CADM2: variants seen among roughly 807,000 people sequenced by gnomAD.
CADM2 encodes the protein cell adhesion molecule 2, also known as immunoglobulin superfamily member 4D.
Under a neutral mutation model 49.8 loss-of-function variants are expected in CADM2, and 12 were observed. The observed-to-expected ratio is 0.24, with a 90% CI of 0.15 to 0.39. The LOEUF (loss-of-function observed/expected upper bound fraction) is 0.39, where lower values mean the gene tolerates loss of function less well. Ranked by LOEUF, CADM2 falls within the 10% of genes least tolerant of loss-of-function variation. The pLI is 1.00. For missense variants in CADM2, 378 were observed against 492.3 expected (o/e 0.77, Z 2.20); for synonymous variants, 214 against 175.4 (o/e 1.22, Z -1.74).
At chr3:85,515,246 G>C (rs972380325) in intron 1 of CADM2, among the ~76,000 whole-genome samples, 2 of 152,058 alleles carry the variant, frequency 1.3e-5, no homozygotes, top group Non-Finnish European at 2.9e-5. Flanking sequence ...ATTTGAGAAA[G>C]AGAATAAGAT....
chr3:85,675,011 T>C (rs1337156831), intron 1 of CADM2, among the ~76,000 whole-genome samples: 1 of 152,194 alleles, frequency 6.6e-6, no homozygotes, highest in Non-Finnish European at 1.5e-5. Context: ...AGACTGCTGA[T>C]TTTATTTGTG....
At chr3:86,065,365 G>T (rs566666446) in intron 8 of CADM2, among the ~76,000 whole-genome samples, 1 of 152,234 alleles carries the variant, frequency 6.6e-6, no homozygotes. Flanking sequence ...ATGTATATTT[G>T]CTTATCCAAT....
intron 1 of CADM2, among the ~76,000 whole-genome samples, chr3:85,639,820 A>G (rs565107778): frequency 1.3e-5 from 2 of 152,150 alleles, no homozygotes; most frequent in Non-Finnish European, 2.9e-5. Context: ...GGACCATAGT[A>G]TCTTCAAATA....
chr3:85,648,926 A>C (rs2064966823), intron 1 of CADM2, among the ~76,000 whole-genome samples: 1 of 151,916 alleles, frequency 6.6e-6, no homozygotes, highest in South Asian at 2.1e-4. Flanking sequence ...TTCCTCCCAC[A>C]GTGGATTTAA....
At chr3:85,258,965 T>C (rs1029459685) in intron 1 of CADM2, among the ~76,000 whole-genome samples, 1 of 152,110 alleles carries the variant, frequency 6.6e-6, no homozygotes, top group Non-Finnish European at 1.5e-5. Context: ...GTCAAATTGA[T>C]AGAGTGAAGA....
At chr3:85,781,914 A>T (rs2070672323) in intron 2 of CADM2, among the ~76,000 whole-genome samples, 1 of 152,214 alleles carries the variant, frequency 6.6e-6, no homozygotes, top group Non-Finnish European at 1.5e-5. Context: ...GTCTTTTCTA[A>T]ACACACCTAC....
intron 8 of CADM2, chr3:85,994,377 A>C (rs1170785868): frequency 6.6e-6 from 1 of 152,224 alleles, no homozygotes; most frequent in Non-Finnish European, 1.5e-5. Flanking sequence ...CTTTGGTTTA[A>C]GAGAATGCTG....
At chr3:85,704,206 A>C (rs961719542) in intron 1 of CADM2, among the ~76,000 whole-genome samples, 1 of 152,154 alleles carries the variant, frequency 6.6e-6, no homozygotes, top group Non-Finnish European at 1.5e-5. Flanking sequence ...CTACATGACA[A>C]CTTCTGTATG....
chr3:85,243,650 CAG>C (rs747582320), intron 1 of CADM2, among the ~76,000 whole-genome samples: 1 of 151,908 alleles, frequency 6.6e-6, no homozygotes, highest in Non-Finnish European at 1.5e-5. Flanking sequence ...GTGGGGGTAC[CAG>C]AGTGTTCAGC....
chr3:85,264,292 A>G (rs1049219508), intron 1 of CADM2, among the ~76,000 whole-genome samples: 4 of 152,132 alleles, frequency 2.6e-5, no homozygotes, highest in African/African-American at 9.6e-5. Context: ...TCCTTGTCGA[A>G]ACATGCTGAT....
intron 8 of CADM2, among the ~76,000 whole-genome samples, chr3:85,965,466 A>G (rs1395992366): frequency 2.0e-5 from 3 of 151,266 alleles, no homozygotes; most frequent in Non-Finnish European, 4.4e-5. Context: ...GGACAATCAA[A>G]CTCCAAGGGT....
In CADM2 at chr3:85,697,717, G is replaced by A. The variant is rs191434763; in HGVS notation, c.62-28805G>A. Among the ~76,000 whole-genome samples, 31 of 152,276 alleles carry A rather than the reference G, an allele frequency of 2.0e-4. No homozygotes were observed. In the East Asian group the frequency reaches 4.2e-3, roughly 21 times the overall value. ...GGAATATGTGAAAAGCATGTGGGAA[G>A]ACACAAATTATTGACAGTGTTCCAT... On this transcript the variant is annotated intron_variant, in intron 1 of 9. Coordinates refer to ENST00000383699, the MANE Select transcript of CADM2 (RefSeq NM_001167675.2).
In CADM2 at chr3:85,815,137, C is replaced by T. The variant is rs947945721; in HGVS notation, c.238+12941C>T. 3.3e-5 allele frequency among the ~76,000 whole-genome samples: 5 copies of T among 152,022 alleles called. No homozygotes were observed. The South Asian group carries it at 6.2e-4, about 19-fold the overall frequency. On this transcript the variant is annotated intron_variant, in intron 3 of 9. Coordinates refer to ENST00000383699, the MANE Select transcript of CADM2 (RefSeq NM_001167675.2). Reference sequence around the variant, plus strand: ...CAAACTGAAAAAGTCCAGAACCAGACGGATTCACAGCCGAATTCTACAAGG... The same window carrying T: ...CAAACTGAAAAAGTCCAGAACCAGATGGATTCACAGCCGAATTCTACAAGG...
chr3:85,719,942 AC>A (rs2067439185), intron 1 of CADM2, among the ~76,000 whole-genome samples: 2 of 152,108 alleles, frequency 1.3e-5, no homozygotes, highest in Admixed American at 1.3e-4. Flanking sequence ...TAAAAAAAAA[AC>A]AAAAAACAAG....
chr3:85,351,237 G>A (rs949725045), intron 1 of CADM2, among the ~76,000 whole-genome samples: 1 of 152,112 alleles, frequency 6.6e-6, no homozygotes, highest in African/African-American at 2.4e-5. Context: ...CTGAGTTAAA[G>A]TGTTTTTGTT....
intron 1 of CADM2, among the ~76,000 whole-genome samples, chr3:85,108,362 C>T (rs1283817136): frequency 1.3e-5 from 2 of 152,022 alleles, no homozygotes; most frequent in Admixed American, 1.3e-4. Context: ...TAATGTTAGC[C>T]TTAAAAGGAA....
At chr3:85,942,483 C>T (rs563201273) in intron 7 of CADM2, among the ~76,000 whole-genome samples, 3 of 124,938 alleles carry the variant, frequency 2.4e-5, no homozygotes, top group South Asian at 6.3e-4. Context: ...ATCCCTCCCC[C>T]CTCCCCCCAC....
chr3:85,836,534 G>A (rs2074416297), intron 3 of CADM2, among the ~76,000 whole-genome samples: 1 of 151,632 alleles, frequency 6.6e-6, no homozygotes, highest in South Asian at 2.1e-4. Context: ...GTGTTTGAGA[G>A]CAGTATGTGG....
At chr3:85,853,871 C>G (rs1030455292) in intron 3 of CADM2, among the ~76,000 whole-genome samples, 1 of 152,112 alleles carries the variant, frequency 6.6e-6, no homozygotes, top group African/African-American at 2.4e-5. Flanking sequence ...TGGGTCATTA[C>G]TAAAGGGCTA....
Sources: allele counts gnomAD v4.1 joint callset (sites outside exome capture counted in the v4.1 genomes callset), GRCh38; gene constraint gnomAD v4.1.1; transcripts MANE v1.5; gene names NCBI Gene and HGNC (gene_info 2026-07-23, HGNC 2026-07-21).